KDM4B: variants seen among roughly 807,000 people sequenced by gnomAD.
KDM4B encodes the protein lysine-specific demethylase 4B.
KDM4B carries 32 observed loss-of-function variants against 125.2 expected under a neutral mutation model. The observed-to-expected ratio is 0.26, with a 90% confidence interval of 0.19 to 0.34. KDM4B has a LOEUF of 0.34. Among genes scored for constraint, KDM4B ranks in the 10% least tolerant of loss-of-function variants. KDM4B has a pLI of 1.00. For synonymous variants in KDM4B, 721 were observed against 677.9 expected (o/e 1.06, Z -0.99); for missense variants, 1,190 against 1,577.7 (o/e 0.75, Z 4.16).
Position 5,111,728 on chromosome 19 carries a change from C to T in KDM4B, c.1115+910C>T, listed in dbSNP as rs189515400. 1.6e-4 allele frequency: 121 copies of T among 762,820 alleles called. No homozygotes were observed. The East Asian group carries it at 1.8e-3, about 11-fold the overall frequency. 47.3% of individuals were successfully genotyped at this position (762,820 alleles called of 1,614,324 possible). A position where few individuals can be genotyped will look rare whatever the true frequency, so the allele number is the denominator to read the frequency against. The stretch of plus-strand genomic sequence containing the variant: ...ACAGAGTGGGCTCAGCCAACTCCTC[C>T]GGGGAAGGGCCAGAGAGCAAACATT... On this transcript the variant is annotated intron_variant, in intron 10 of 22. Coordinates refer to ENST00000159111, the MANE Select transcript of KDM4B (RefSeq NM_015015.3).
In KDM4B at chr19:4,998,813, C is replaced by G. The variant is rs1481036726; in HGVS notation, c.-108-17444C>G. Among the ~76,000 whole-genome samples the G allele has an allele frequency of 6.6e-5, 10 of 152,218 alleles. No homozygotes were observed. In the East Asian group the frequency reaches 1.9e-3, roughly 29 times the overall value. On this transcript the variant is annotated intron_variant, in intron 1 of 22. Coordinates refer to ENST00000159111, the MANE Select transcript of KDM4B (RefSeq NM_015015.3). The stretch of plus-strand genomic sequence containing the variant: ...ACAGGCCGTCATTCTGTTAAATGTC[C>G]CCCAGGTGGGTTTGTCTGATGGTTC...
intron 1 of KDM4B, among the ~76,000 whole-genome samples, chr19:4,980,847 C>T (rs766266377): frequency 6.6e-6 from 1 of 150,444 alleles, no homozygotes; most frequent in East Asian, 1.9e-4. Context: ...CATCCTCTCC[C>T]CAGTCTGTGG....
At position 5,144,296 on chromosome 19, in the gene KDM4B, AACCGCAACGGGCTGTACT is replaced by A; in HGVS notation, c.2791_2808del (p.Asn931_Arg936del). Reference sequence around the variant, plus strand: ...CCTAGGCCAGGTGGTCATCACCAAGAACCGCAACGGGCTGTACTACCGCTGTCGCGTCATCGGTGCCGC... The same window carrying A: ...CCTAGGCCAGGTGGTCATCACCAAGAACCGCTGTCGCGTCATCGGTGCCGC... On this transcript the variant is annotated inframe_deletion, in exon 20 of 23. Transcript: ENST00000159111. 6.3e-7 allele frequency: 1 copy of A among 1,593,746 alleles called. No homozygotes were observed.
chr19:5,110,555 G>T, intron 9 of KDM4B, 67 bp from the exon 10 acceptor site: 4 of 1,526,622 alleles, frequency 2.6e-6, no homozygotes, highest in Non-Finnish European at 3.6e-6. Flanking sequence ...ACCTGCTCTG[G>T]GGTGGGGTGT....
At position 5,035,325 on chromosome 19, in the gene KDM4B, C is replaced by G. The variant is rs1209910570; in HGVS notation, c.141+2294C>G. ...GCAGCAGCCCTTTCTGGCTTGGGATCCAAGGCGTCCTGATGTCAGGACGTT... is the reference window on the plus strand; with the variant it reads ...GCAGCAGCCCTTTCTGGCTTGGGATGCAAGGCGTCCTGATGTCAGGACGTT... On this transcript the variant is annotated intron_variant, in intron 3 of 22. Coordinates refer to ENST00000159111, the MANE Select transcript of KDM4B (RefSeq NM_015015.3). This position sits in a 1 kb window ranked among gnomAD's most constrained non-coding sequence, Gnocchi z 5.3. 6.6e-6 allele frequency among the ~76,000 whole-genome samples: 1 copy of G among 151,990 alleles called. No individual in the cohort carries two copies. The highest frequency in any genetic ancestry group is 2.4e-5 in the African/African-American group (1 of 41,394).
At chr19:5,099,858 T>C (rs1279836163) in intron 9 of KDM4B, among the ~76,000 whole-genome samples, 1 of 152,214 alleles carries the variant, frequency 6.6e-6, no homozygotes, top group Admixed American at 6.5e-5. Context: ...GCTTTGATCT[T>C]GGACTTTCCA....
At chr19:5,105,315 A>G (rs539922599) in intron 9 of KDM4B, among the ~76,000 whole-genome samples, 55 of 152,372 alleles carry the variant, frequency 3.6e-4, no homozygotes, top group African/African-American at 1.3e-3. Flanking sequence ...TGCAACAGAC[A>G]CACCTGCGAT....
At chr19:5,046,790 C>A (rs1288039360) in intron 5 of KDM4B, among the ~76,000 whole-genome samples, 3 of 152,182 alleles carry the variant, frequency 2.0e-5, no homozygotes, top group Non-Finnish European at 4.4e-5. Flanking sequence ...CTGGGTTAGC[C>A]CCAAGTGGTG....
intron 1 of KDM4B, among the ~76,000 whole-genome samples, chr19:5,006,499 G>A (rs2035563920): frequency 6.6e-6 from 1 of 152,216 alleles, no homozygotes; most frequent in South Asian, 2.1e-4. Context: ...TAGGCCGGGT[G>A]CAGTGGCTCA....
At chr19:5,042,662 T>A (rs990018760) in intron 5 of KDM4B, among the ~76,000 whole-genome samples, 3 of 151,372 alleles carry the variant, frequency 2.0e-5, no homozygotes, top group African/African-American at 7.3e-5. Context: ...TGATCCATCT[T>A]ACACAGCAGG....
intron 1 of KDM4B, among the ~76,000 whole-genome samples, chr19:4,980,929 A>G (rs1254964559): frequency 7.0e-6 from 1 of 143,452 alleles, no homozygotes; most frequent in African/African-American, 2.7e-5. Flanking sequence ...GACACAGCAT[A>G]GAAACCATTT....
rs1378168553 is a variant in KDM4B, at chr19:5,001,461, G to C, written c.-108-14796G>C. 2.0e-5 allele frequency among the ~76,000 whole-genome samples: 3 copies of C among 152,198 alleles called. No individual in the cohort carries two copies. In the East Asian group the frequency reaches 5.8e-4, roughly 29 times the overall value. ...GCGTAGTGTTCCTTGCAGGGATGCA[G>C]CGAAGTCCACCCAGTGTCTCTCCTG... On this transcript the variant is annotated intron_variant, in intron 1 of 22. Coordinates refer to ENST00000159111, the MANE Select transcript of KDM4B (RefSeq NM_015015.3).
At chr19:4,978,708 G>A (rs1228012708) in intron 1 of KDM4B, among the ~76,000 whole-genome samples, 1 of 152,066 alleles carries the variant, frequency 6.6e-6, no homozygotes, top group Non-Finnish European at 1.5e-5. Context: ...CAGCTCCTGT[G>A]CAATTCTGTG....
rs2039792483 is a variant in KDM4B, at chr19:5,144,027, T to G, written c.2611T>G (p.Tyr871Asp). Residue 871 changes from tyrosine (Y) to aspartate (D), a missense_variant, in exon 19 of 23, where the codon TAC (tyrosine) becomes GAC (aspartate). Coordinates refer to ENST00000159111, the MANE Select transcript of KDM4B (RefSeq NM_015015.3). ...GTCAGGTGCCTGTATCCAGTGCTCC[T>G]ACGAGCACTGCTCCACGTCCTTCCA... is the stretch of plus-strand genomic sequence containing the variant. ...KVSGACIQCS[Y>D]EHCSTSFHVT... 6 of 1,601,124 alleles carry G rather than the reference T, an allele frequency of 3.7e-6. No homozygotes were observed.
chr19:4,991,996 G>T (rs1292556194), intron 1 of KDM4B, among the ~76,000 whole-genome samples: 6 of 152,124 alleles, frequency 3.9e-5, no homozygotes, highest in Non-Finnish European at 8.8e-5. Context: ...GAGACGGGTG[G>T]CAGTGGTAAG....
intron 1 of KDM4B, among the ~76,000 whole-genome samples, chr19:4,981,611 C>T (rs1599348600): frequency 6.6e-6 from 1 of 152,174 alleles, no homozygotes; most frequent in Non-Finnish European, 1.5e-5. Flanking sequence ...GGGAGCCCCC[C>T]CCACCACGCC....
chr19:5,102,033 G>A (rs1221794006), intron 9 of KDM4B, among the ~76,000 whole-genome samples: 1 of 152,150 alleles, frequency 6.6e-6, no homozygotes, highest in Non-Finnish European at 1.5e-5. Flanking sequence ...CGGGTGCTGC[G>A]GCAGTCCTCG....
chr19:5,003,538 G>T (rs11671933), intron 1 of KDM4B, among the ~76,000 whole-genome samples: 3,980 of 152,134 alleles, frequency 0.026, 73 homozygotes, highest in Middle Eastern at 0.051. Context: ...GCCAGGTGCA[G>T]TGGCTCACAC....
chr19:5,041,393 C>A, intron 5 of KDM4B, 142 bp downstream of exon 5: 2 of 598,406 alleles, frequency 3.3e-6, no homozygotes, highest in Non-Finnish European at 5.9e-6. Flanking sequence ...TGGATGCGGG[C>A]CTCGCCCTGT....
Sources: allele counts gnomAD v4.1 joint callset (sites outside exome capture counted in the v4.1 genomes callset), GRCh38; gene constraint gnomAD v4.1.1; non-coding constraint Gnocchi (gnomAD v3.1); transcripts MANE v1.5; gene names NCBI Gene and HGNC (gene_info 2026-07-23, HGNC 2026-07-21).